The following EPC2 variants were observed in gnomAD, a reference collection of about 807,000 sequenced individuals.
EPC2 encodes enhancer of polycomb homolog 2.
A neutral mutation model predicts 92.1 loss-of-function variants in EPC2; 14 were observed. The ratio of observed to expected loss-of-function variants is 0.15; its 90% CI spans 0.10 to 0.24. The LOEUF is 0.24. EPC2 is among the 10% of genes least tolerant of loss of function. The pLI, the probability that EPC2 is intolerant of heterozygous loss-of-function variation, is 1.00. For synonymous variants in EPC2, 340 were observed against 334.7 expected, an observed-to-expected ratio of 1.02 and a Z score of -0.17; for missense variants, 755 against 971.5, an observed-to-expected ratio of 0.78 and a Z score of 2.96.
At chr2:148,694,439 T>C (rs78228416) in intron 2 of EPC2, among the ~76,000 whole-genome samples, 6,305 of 152,260 alleles carry the variant, frequency 0.041, 173 homozygotes, top group Middle Eastern at 0.13. Context: ...GGAAGCATCC[T>C]GAAGGCACAA....
chr2:148,707,498 C>A (rs1682027326), intron 2 of EPC2, among the ~76,000 whole-genome samples: 1 of 152,158 alleles, frequency 6.6e-6, no homozygotes, highest in Admixed American at 6.5e-5. Context: ...ACAAGCAGAC[C>A]TAATAGACAT....
chr2:148,745,561 C>T (rs1328724663), intron 3 of EPC2, among the ~76,000 whole-genome samples: 2 of 152,096 alleles, frequency 1.3e-5, no homozygotes, highest in Non-Finnish European at 2.9e-5. Flanking sequence ...TCTCTTTGCT[C>T]AGGGACAAGC....
chr2:148,776,338 T>G (rs1303470551), intron 10 of EPC2, among the ~76,000 whole-genome samples: 1 of 152,174 alleles, frequency 6.6e-6, no homozygotes, highest in Non-Finnish European at 1.5e-5. Flanking sequence ...AAATTTCAAT[T>G]GTAAATATTT....
chr2:148,683,875 G>T (rs143008815), intron 1 of EPC2, among the ~76,000 whole-genome samples: 3,831 of 152,234 alleles, frequency 0.025, 58 homozygotes, highest in East Asian at 0.031. Flanking sequence ...TTTCCTTTGG[G>T]TAGTTACCCG....
rs559749172 is a variant in EPC2 at position 148,716,264 on chromosome 2, A to G, written c.313+25891A>G. 3.9e-5 allele frequency among the ~76,000 whole-genome samples: 6 copies of G among 152,288 alleles called. No individual in the cohort carries two copies. The South Asian group carries it at 1.2e-3, about 32-fold the overall frequency. On this transcript the variant is annotated intron_variant, in intron 2 of 13. Coordinates refer to ENST00000258484, the MANE Select transcript of EPC2 (RefSeq NM_015630.4). Reference sequence around the variant, plus strand: ...GCCAGAACTTCCAATTCTATGTTGAATAGGAGTGGTGAGAGAGGGCATGCA... The same window carrying G: ...GCCAGAACTTCCAATTCTATGTTGAGTAGGAGTGGTGAGAGAGGGCATGCA...
chr2:148,663,592 ATTTTTTTTTTTTTT>A (rs56911412), intron 1 of EPC2, among the ~76,000 whole-genome samples: 35 of 74,372 alleles, frequency 4.7e-4, no homozygotes, highest in Admixed American at 4.6e-3. Context: ...ATAGATTAAG[ATTTTTTTTTTTTTT>A]TTTTTTTTTT....
intron 1 of EPC2, among the ~76,000 whole-genome samples, chr2:148,685,459 G>T (rs1193176699): frequency 6.6e-6 from 1 of 152,168 alleles, no homozygotes; most frequent in African/African-American, 2.4e-5. Flanking sequence ...TGGTTTCACA[G>T]TGCATATAAA....
chr2:148,776,856 C>CTTTTTTTTTTTTTTTTT (rs56073706), intron 10 of EPC2, among the ~76,000 whole-genome samples: 13 of 101,026 alleles, frequency 1.3e-4, no homozygotes, highest in East Asian at 3.4e-4. Context: ...GTCTCTCTCT[C>CTTTTTTTTTTTTTTTTT]TTTTTTTTTT....
chr2:148,722,934 C>T (rs986043697), intron 2 of EPC2, among the ~76,000 whole-genome samples: 1 of 152,136 alleles, frequency 6.6e-6, no homozygotes, highest in Non-Finnish European at 1.5e-5. Context: ...AAACGGAATA[C>T]TGCATGTTCT....
intron 1 of EPC2, among the ~76,000 whole-genome samples, chr2:148,648,293 C>G (rs891648845): frequency 6.6e-6 from 1 of 152,106 alleles, no homozygotes. Context: ...TCATGAGTGA[C>G]AGCAAATTCA....
chr2:148,669,716 A>C (rs1486895574), intron 1 of EPC2, among the ~76,000 whole-genome samples: 1 of 152,096 alleles, frequency 6.6e-6, no homozygotes, highest in African/African-American at 2.4e-5. Flanking sequence ...AAAATTTGTA[A>C]AGTTACTTGT....
At chr2:148,773,416 T>A (rs1402675519) in intron 10 of EPC2, among the ~76,000 whole-genome samples, 1 of 152,126 alleles carries the variant, frequency 6.6e-6, no homozygotes, top group Non-Finnish European at 1.5e-5. Context: ...CTATCTAAAA[T>A]TTTTTAATAT....
chr2:148,666,419 C>T (rs945538188), intron 1 of EPC2, among the ~76,000 whole-genome samples: 24 of 152,262 alleles, frequency 1.6e-4, no homozygotes, highest in African/African-American at 4.8e-4. Flanking sequence ...GCCGGGATTA[C>T]GGGCATGGGC....
intron 4 of EPC2, among the ~76,000 whole-genome samples, chr2:148,758,343 A>T (rs371357991): frequency 1.4e-4 from 22 of 152,268 alleles, no homozygotes; most frequent in African/African-American, 5.1e-4. Context: ...TAAGGGGGGA[A>T]GTTTGATGGT....
intron 1 of EPC2, among the ~76,000 whole-genome samples, chr2:148,669,952 A>G (rs1224972742): frequency 6.6e-6 from 1 of 152,090 alleles, no homozygotes; most frequent in Non-Finnish European, 1.5e-5. Flanking sequence ...TAGTTTCTTC[A>G]CACAGCTGTG....
chr2:148,749,976 G>T (rs1280577431), intron 3 of EPC2, among the ~76,000 whole-genome samples: 2 of 152,082 alleles, frequency 1.3e-5, no homozygotes, highest in Non-Finnish European at 2.9e-5. Flanking sequence ...TATGACTGCA[G>T]AGAAGGTTAG....
intron 1 of EPC2, among the ~76,000 whole-genome samples, chr2:148,663,924 G>C (rs1681005823): frequency 6.6e-6 from 1 of 152,130 alleles, no homozygotes; most frequent in Admixed American, 6.6e-5. Context: ...TCAGGGTAAT[G>C]CTTGCTTGCC....
chr2:148,654,477 G>A lies in EPC2; in HGVS notation c.153+9307G>A, dbSNP rs554820749. Among the ~76,000 whole-genome samples, 210 of 152,208 alleles carry A rather than the reference G, an allele frequency of 1.4e-3. 1 individual carries two copies. The highest frequency in any genetic ancestry group is 4.2e-3 in the South Asian group (20 of 4,810). ...TTTTGAGACCAGCTTGGGCAACATA[G>A]TATGGCTTCGTGTCTACAAAAAATA... On this transcript the variant is annotated intron_variant, in intron 1 of 13. Transcript: ENST00000258484.
In EPC2 at chr2:148,684,581, C is replaced by G. The variant is rs117352273; in HGVS notation, c.154-5633C>G. Among the ~76,000 whole-genome samples, 59 of 152,356 alleles carry G rather than the reference C, an allele frequency of 3.9e-4. No homozygotes were observed. The East Asian group carries it at 0.011, about 29-fold the overall frequency. On this transcript the variant is annotated intron_variant, in intron 1 of 13. Transcript: ENST00000258484. ...GCATCACATTGTATATGCATCTGGA[C>G]TGTTGATACCAACTGTTTGGTAATA...
Sources: gnomAD v4.1 joint callset for allele counts (sites outside exome capture counted in the v4.1 genomes callset) on GRCh38, gnomAD v4.1.1 for gene constraint, MANE v1.5 for transcripts, NCBI Gene and HGNC (gene_info 2026-07-23, HGNC 2026-07-21) for gene names.